TMOD1: variants seen among roughly 807,000 people sequenced by gnomAD.
TMOD1 encodes the protein tropomodulin 1, also known as tropomodulin-1.
TMOD1 carries 17 observed loss-of-function variants against 40.6 expected under a neutral mutation model. That is an observed-to-expected ratio of 0.42 (90% CI 0.29 to 0.63). The LOEUF is 0.63. TMOD1 is among the 20% of genes least tolerant of loss of function. The probability of loss-of-function intolerance (pLI) is 0.22; values close to 1 mark genes in which losing one functional copy is unlikely to be tolerated. For synonymous variants in TMOD1, 181 were observed against 175.0 expected, an observed-to-expected ratio of 1.03 and a Z score of -0.27; for missense variants, 391 against 447.6, an observed-to-expected ratio of 0.87 and a Z score of 1.14.
At position 97,513,542 on chromosome 9, in the gene TMOD1, C is replaced by T. The variant is rs994225352; in HGVS notation, c.-48-10599C>T. Reference sequence around the variant, plus strand: ...CCAGGGGTGGTGGATGAAGAGAGGACGGGTGTGACATTATCCCAGGATCTC... The same window carrying T: ...CCAGGGGTGGTGGATGAAGAGAGGATGGGTGTGACATTATCCCAGGATCTC... On this transcript the variant is annotated intron_variant, in intron 1 of 9. Coordinates refer to ENST00000259365, the MANE Select transcript of TMOD1 (RefSeq NM_003275.4). The surrounding 1 kb of genome is among the most constrained non-coding windows in gnomAD (Gnocchi z 4.1). Among the ~76,000 whole-genome samples the T allele has an allele frequency of 2.0e-5, 3 of 152,162 alleles. No homozygotes were observed. The highest frequency in any genetic ancestry group is 4.4e-5 in the Non-Finnish European group (3 of 68,026).
intron 2 of TMOD1, among the ~76,000 whole-genome samples, chr9:97,531,244 C>T (rs1251473254): frequency 1.3e-5 from 2 of 152,120 alleles, no homozygotes; most frequent in African/African-American, 2.4e-5. Flanking sequence ...GAAATAGGTT[C>T]CCAGAATCAC....
intron 3 of TMOD1, among the ~76,000 whole-genome samples, chr9:97,551,854 T>A (rs1830458730): frequency 6.6e-6 from 1 of 152,242 alleles, no homozygotes; most frequent in Non-Finnish European, 1.5e-5. Flanking sequence ...GGTCTTTAAT[T>A]TCCTTCAGTA....
intron 2 of TMOD1, among the ~76,000 whole-genome samples, chr9:97,531,605 CA>C (rs1425481276): frequency 6.6e-6 from 1 of 151,982 alleles, no homozygotes; most frequent in East Asian, 1.9e-4. Context: ...AGCAAGACTC[CA>C]TCTCAAAAAC....
At chr9:97,506,650 C>A (rs999860597) in intron 1 of TMOD1, among the ~76,000 whole-genome samples, 1 of 152,210 alleles carries the variant, frequency 6.6e-6, no homozygotes, top group African/African-American at 2.4e-5. Flanking sequence ...TTCACAGTAA[C>A]CCCATGAGGG....
At chr9:97,592,083 T>C (rs928055408) in intron 9 of TMOD1, among the ~76,000 whole-genome samples, 36 of 152,050 alleles carry the variant, frequency 2.4e-4, no homozygotes, top group African/African-American at 8.4e-4. Flanking sequence ...TGAACACTTA[T>C]ATACCTATAT....
In TMOD1 at chr9:97,598,984, A is replaced by G. The variant is rs572696117; in HGVS notation, c.1016-650A>G. Among the ~76,000 whole-genome samples, 434 of 152,238 alleles carry G rather than the reference A, an allele frequency of 2.9e-3. 2 individuals are homozygous for G. Among genetic ancestry groups the G allele is most frequent in the African/African-American group, 0.01 (424 of 41,554 alleles). ...TCAAAACACTCTCCCTTGTTACAAC[A>G]AACAGAGCCCCTCCTGCCCCTCCCT... On this transcript the variant is annotated intron_variant, in intron 9 of 9. Transcript: ENST00000259365.
intron 3 of TMOD1, among the ~76,000 whole-genome samples, chr9:97,552,331 ACTAGC>A (rs10599208): frequency 0.78 from 118,042 of 151,310 alleles, 46,160 homozygotes; most frequent in Middle Eastern, 0.87. Context: ...GCGTCCTCTG[ACTAGC>A]CTTCCCAAAA....
chr9:97,568,802 G>C, intron 7 of TMOD1, 92 bp from the exon 8 acceptor site: 2 of 1,457,684 alleles, frequency 1.4e-6, no homozygotes, highest in South Asian at 2.5e-5. Flanking sequence ...TCATCCTCCT[G>C]TTCCCCTAGG....
chr9:97,514,241 G>GT (rs946640031), intron 1 of TMOD1, among the ~76,000 whole-genome samples: 1 of 60,212 alleles, frequency 1.7e-5, no homozygotes, highest in Non-Finnish European at 3.8e-5. Context: ...TTTTTTTTTT[G>GT]GGGGGGGGGT....
chr9:97,571,180 G>T (rs1208007651), intron 8 of TMOD1, among the ~76,000 whole-genome samples: 1 of 152,232 alleles, frequency 6.6e-6, no homozygotes, highest in Non-Finnish European at 1.5e-5. Context: ...GGAAGTCAGG[G>T]TCTACCCAGA....
intron 1 of TMOD1, among the ~76,000 whole-genome samples, chr9:97,518,040 C>T (rs149032765): frequency 4.2e-4 from 64 of 152,344 alleles, no homozygotes; most frequent in Non-Finnish European, 7.6e-4. Context: ...AGCTTCCACA[C>T]GTCCGCGATG....
At chr9:97,576,887 C>T (rs1411242827) in intron 8 of TMOD1, among the ~76,000 whole-genome samples, 7 of 152,128 alleles carry the variant, frequency 4.6e-5, no homozygotes, top group Admixed American at 6.5e-5. Flanking sequence ...GATCCGCCCA[C>T]CTCGGCCTCC....
At chr9:97,575,744 G>A (rs780106842) in intron 8 of TMOD1, among the ~76,000 whole-genome samples, 3 of 152,192 alleles carry the variant, frequency 2.0e-5, no homozygotes, top group South Asian at 4.1e-4. Flanking sequence ...CAGAGCCACC[G>A]GCTCCAGGAT....
chr9:97,553,551 C>T, intron 4 of TMOD1, 151 bp downstream of exon 4: 1 of 1,200,598 alleles, frequency 8.3e-7, no homozygotes, highest in South Asian at 1.6e-5. Flanking sequence ...ACAATCCATT[C>T]TCAAAAACCA....
rs769579590 is a variant in TMOD1, at chr9:97,599,693, G to A, written c.1075G>A (p.Val359Ile). The A allele has an allele frequency of 6.2e-7, 1 of 1,614,172 alleles. No homozygotes were observed. Among genetic ancestry groups the A allele is most frequent in the African/African-American group, 1.3e-5 (1 of 75,046 alleles). The stretch of plus-strand genomic sequence containing the variant: ...CATCATTCCCAAGTGCCGGAGTGGT[G>A]TCTAGTGTGTGGCGGTGGAGTCCAT... The part of the protein sequence containing the change: ...GPIIPKCRSG[V>I] Residue 359 changes from valine to isoleucine, a missense_variant, in exon 10 of 10, where the codon GTC becomes ATC. Transcript: ENST00000259365.
At chr9:97,518,342 TG>T (rs1161184466) in intron 1 of TMOD1, among the ~76,000 whole-genome samples, 2 of 152,250 alleles carry the variant, frequency 1.3e-5, no homozygotes, top group East Asian at 3.9e-4. Flanking sequence ...ACAGAGCAGC[TG>T]GGAACAGATT....
chr9:97,563,943 A>C, intron 5 of TMOD1, 95 bp from the exon 6 acceptor site: 13 of 1,409,038 alleles, frequency 9.2e-6, no homozygotes, highest in East Asian at 5.7e-5. Flanking sequence ...CACGTGCCCC[A>C]ACCCTGCACA....
At chr9:97,597,953 G>A (rs902692250) in intron 9 of TMOD1, among the ~76,000 whole-genome samples, 3 of 151,972 alleles carry the variant, frequency 2.0e-5, no homozygotes, top group Admixed American at 2.0e-4. Context: ...AATCAGATGC[G>A]ATATGGATAT....
intron 1 of TMOD1, among the ~76,000 whole-genome samples, chr9:97,517,232 C>T (rs1829825204): frequency 6.6e-6 from 1 of 151,950 alleles, no homozygotes; most frequent in African/African-American, 2.4e-5. Flanking sequence ...CCCCTGTAGT[C>T]CCAGCTACTC....
Sources: gnomAD v4.1 joint callset for allele counts (sites outside exome capture counted in the v4.1 genomes callset) on GRCh38, gnomAD v4.1.1 for gene constraint, Gnocchi (gnomAD v3.1) non-coding constraint, MANE v1.5 for transcripts, NCBI Gene and HGNC (gene_info 2026-07-23, HGNC 2026-07-21) for gene names.